Variants in SPAST observed in about 807,000 individuals in gnomAD.
The protein encoded by SPAST is spastic paraplegia 4 (autosomal dominant; spastin).
Under a neutral mutation model 76.6 loss-of-function variants are expected in SPAST, and 30 were observed. That is an observed-to-expected ratio of 0.39 (90% CI 0.29 to 0.53). The LOEUF (loss-of-function observed/expected upper bound fraction) is 0.53. Among genes scored for constraint, SPAST ranks in the 20% least tolerant of loss-of-function variants. SPAST has a pLI of 0.68. For missense variants in SPAST, 717 were observed against 770.5 expected (o/e 0.93, Z 0.82); for synonymous variants, 305 against 281.0 (o/e 1.09, Z -0.86).
intron 13 of SPAST, among the ~76,000 whole-genome samples, chr2:32,142,990 G>T (rs554899398): frequency 6.6e-6 from 1 of 152,168 alleles, no homozygotes; most frequent in South Asian, 2.1e-4. Flanking sequence ...TTTTATCCAG[G>T]TGTGGTGTCT....
At chr2:32,135,118 TTGTGTG>T (rs57308975) in intron 9 of SPAST, among the ~76,000 whole-genome samples, 23 of 147,482 alleles carry the variant, frequency 1.6e-4, no homozygotes, top group African/African-American at 5.5e-4. Context: ...TCTGATAATT[TTGTGTG>T]TGTGTGTGTG....
At chr2:32,073,156 G>T (rs1676819774) in intron 1 of SPAST, among the ~76,000 whole-genome samples, 1 of 152,158 alleles carries the variant, frequency 6.6e-6, no homozygotes, top group African/African-American at 2.4e-5. Flanking sequence ...ACTGTTAGTT[G>T]TCCTGATGAC....
At chr2:32,085,956 C>T (rs539358359) in intron 1 of SPAST, among the ~76,000 whole-genome samples, 2 of 150,622 alleles carry the variant, frequency 1.3e-5, no homozygotes, top group South Asian at 2.1e-4. Context: ...GCAGGAGAAT[C>T]GCTTGAACCA....
At chr2:32,087,446 A>G (rs1677528048) in intron 1 of SPAST, 46 bp from the exon 2 acceptor site, 2 of 1,160,684 alleles carry the variant, frequency 1.7e-6, no homozygotes, top group Non-Finnish European at 2.6e-6. Context: ...TGCAATATTT[A>G]GTGTACTCTT....
Position 32,137,206 on chromosome 2 carries a change from G to A in SPAST, c.1493+18G>A. On this transcript the variant is annotated intron_variant, in intron 12 of 16. Transcript: ENST00000315285. ...GTTCTCAGGTAGGGAGATTTATATG[G>A]AAATACATGCATTTATTACAGACAA... is the stretch of plus-strand genomic sequence containing the variant. 1 of 1,524,912 alleles carries A rather than the reference G, an allele frequency of 6.6e-7. No homozygotes were observed. Among genetic ancestry groups the A allele is most frequent in the Non-Finnish European group, 9.1e-7 (1 of 1,098,690 alleles). The allele number at this position is 1,524,912 out of a possible 1,614,324, so 94.5% of individuals were successfully genotyped here.
intron 1 of SPAST, among the ~76,000 whole-genome samples, chr2:32,074,142 AG>A (rs1287410396): frequency 6.6e-6 from 1 of 152,222 alleles, no homozygotes; most frequent in East Asian, 1.9e-4. Flanking sequence ...TTAAAGAAGC[AG>A]GGTTTTGCTC....
At chr2:32,114,919 T>C in intron 5 of SPAST, 94 bp downstream of exon 5, 1 of 896,030 alleles carries the variant, frequency 1.1e-6, no homozygotes, top group Non-Finnish European at 1.8e-6. Flanking sequence ...AAGTACTTTA[T>C]AATACTTTAG....
intron 16 of SPAST, among the ~76,000 whole-genome samples, chr2:32,147,518 T>A (rs1679932372): frequency 6.6e-6 from 1 of 151,980 alleles, no homozygotes; most frequent in South Asian, 2.1e-4. Flanking sequence ...CATTTCACCA[T>A]GTTGGCCAGT....
intron 1 of SPAST, among the ~76,000 whole-genome samples, chr2:32,075,859 CTTTT>C (rs56708982): frequency 2.4e-5 from 2 of 82,384 alleles, no homozygotes; most frequent in African/African-American, 9.6e-5. Context: ...AGACTCCTGG[CTTTT>C]TTTTTTTTTT....
intron 1 of SPAST, among the ~76,000 whole-genome samples, chr2:32,086,318 T>G (rs1489065377): frequency 6.6e-6 from 1 of 151,688 alleles, no homozygotes. Context: ...AAAAATTAGC[T>G]AAGTGTGGTG....
intron 7 of SPAST, among the ~76,000 whole-genome samples, chr2:32,120,319 C>A (rs1000212512): frequency 6.6e-6 from 1 of 152,100 alleles, no homozygotes. Context: ...TCATACCACA[C>A]ACCTTCTACT....
intron 4 of SPAST, among the ~76,000 whole-genome samples, chr2:32,102,273 G>A (rs1678154892): frequency 6.6e-6 from 1 of 152,162 alleles, no homozygotes; most frequent in South Asian, 2.1e-4. Flanking sequence ...TTGGCTGTTT[G>A]TCTGTTATTG....
At chr2:32,087,763 A>G (rs751404348) in intron 2 of SPAST, among the ~76,000 whole-genome samples, 185 bp downstream of exon 2, 4 of 133,774 alleles carry the variant, frequency 3.0e-5, no homozygotes, top group Non-Finnish European at 6.1e-5. Context: ...TGATGTGATC[A>G]TAGCTCACTG....
intron 16 of SPAST, among the ~76,000 whole-genome samples, chr2:32,149,735 G>A (rs1337468833): frequency 6.6e-6 from 1 of 152,114 alleles, no homozygotes; most frequent in African/African-American, 2.4e-5. Flanking sequence ...AAGTAATCTA[G>A]AGATGATTTA....
chr2:32,074,326 G>A (rs922064571), intron 1 of SPAST, among the ~76,000 whole-genome samples: 1 of 152,102 alleles, frequency 6.6e-6, no homozygotes, highest in Non-Finnish European at 1.5e-5. Flanking sequence ...AGTGTTCAGT[G>A]TTCATGTTTT....
rs147062698 is a variant in SPAST, at chr2:32,107,800, A to C, written c.683-6838A>C. Among the ~76,000 whole-genome samples, 505 of 152,270 alleles carry C rather than the reference A, an allele frequency of 3.3e-3. 3 individuals carry two copies. Among genetic ancestry groups the C allele is most frequent in the African/African-American group, 0.012 (491 of 41,524 alleles). On this transcript the variant is annotated intron_variant, in intron 4 of 16. Transcript: ENST00000315285. ...CATATTGGCTTTATAGCTAATTTAC[A>C]CAGCATTGATGTTTAATACACAGTG... is the stretch of plus-strand genomic sequence containing the variant.
At chr2:32,089,194 G>A (rs113918145) in intron 2 of SPAST, among the ~76,000 whole-genome samples, 48 of 95,930 alleles carry the variant, frequency 5.0e-4, no homozygotes, top group African/African-American at 1.6e-3. Flanking sequence ...TCCCATGCTC[G>A]GCTAATTTTT....
At chr2:32,106,496 C>T (rs1261898190) in intron 4 of SPAST, among the ~76,000 whole-genome samples, 1 of 152,216 alleles carries the variant, frequency 6.6e-6, no homozygotes, top group Non-Finnish European at 1.5e-5. Context: ...AACCCAGTTC[C>T]TCAGTTGGAA....
At chr2:32,079,039 C>G (rs769085189) in intron 1 of SPAST, among the ~76,000 whole-genome samples, 17 of 152,056 alleles carry the variant, frequency 1.1e-4, no homozygotes, top group Non-Finnish European at 2.1e-4. Flanking sequence ...TGGGGTTTCA[C>G]CATGTTGCCC....
Sources: gnomAD v4.1 joint callset for allele counts (sites outside exome capture counted in the v4.1 genomes callset) on GRCh38, gnomAD v4.1.1 for gene constraint, MANE v1.5 for transcripts, NCBI Gene and HGNC (gene_info 2026-07-23, HGNC 2026-07-21) for gene names.